NHS: variants seen among roughly 807,000 people sequenced by gnomAD.
The protein encoded by NHS is actin remodeling regulator NHS.
In NHS, 5 loss-of-function variants were observed where a neutral mutation model predicts 72.5. That is an observed-to-expected ratio of 0.07 (90% CI 0.04 to 0.14). The LOEUF (loss-of-function observed/expected upper bound fraction) is 0.14. Among genes scored for constraint, NHS ranks in the 10% least tolerant of loss-of-function variants. NHS has a pLI of 1.00. For missense variants in NHS, 1,072 were observed against 1,355.7 expected (o/e 0.79, Z 3.29); for synonymous variants, 464 against 547.7 (o/e 0.85, Z 2.13).
At chrX:17,480,730 A>G (rs1373014183) in intron 1 of NHS, among the ~76,000 whole-genome samples, 2 of 112,157 alleles carry the variant, frequency 1.8e-5, no homozygotes, top group Non-Finnish European at 3.8e-5. Context: ...GCATCTCTAG[A>G]TAGTGCTTCT....
At chrX:17,392,631 T>C (rs1173044656) in intron 1 of NHS, among the ~76,000 whole-genome samples, 1 of 112,338 alleles carries the variant, frequency 8.9e-6, no homozygotes, top group Non-Finnish European at 1.9e-5. Context: ...GAAATGTTGC[T>C]ACCAAAAGAA....
intron 1 of NHS, among the ~76,000 whole-genome samples, chrX:17,576,394 A>G (rs1439375841): frequency 9.0e-6 from 1 of 111,647 alleles, no homozygotes; most frequent in Admixed American, 9.5e-5. Context: ...AATTTTTCTC[A>G]GGAAGACTGA....
intron 1 of NHS, among the ~76,000 whole-genome samples, chrX:17,652,772 G>A (rs186619981): frequency 8.0e-5 from 9 of 112,039 alleles, no homozygotes; most frequent in African/African-American, 2.9e-4. Context: ...AAATGCTTTA[G>A]ATGATCAATT....
At chrX:17,647,067 A>G (rs1395493617) in intron 1 of NHS, among the ~76,000 whole-genome samples, 4 of 112,165 alleles carry the variant, frequency 3.6e-5, no homozygotes, top group Non-Finnish European at 7.5e-5. Flanking sequence ...GTGTGTTTGT[A>G]TAACTAGAGG....
chrX:17,672,154 C>T (rs1172691080), intron 1 of NHS, among the ~76,000 whole-genome samples: 2 of 112,056 alleles, frequency 1.8e-5, no homozygotes, highest in African/African-American at 6.5e-5. Context: ...TGTAACAAAC[C>T]CCAACATCTC....
chrX:17,440,365 G>A (rs1232659367), intron 1 of NHS, among the ~76,000 whole-genome samples: 5 of 110,450 alleles, frequency 4.5e-5, no homozygotes, highest in African/African-American at 6.6e-5. Flanking sequence ...AAGTTCCAGG[G>A]TGGGAGATAC....
At chrX:17,615,173 G>A (rs1283264006) in intron 1 of NHS, among the ~76,000 whole-genome samples, 5 of 37,892 alleles carry the variant, frequency 1.3e-4, no homozygotes, top group South Asian at 7.1e-3. Flanking sequence ...ATATATATAC[G>A]TATATATATA....
chrX:17,569,010 G>T (rs1205240369), intron 1 of NHS, among the ~76,000 whole-genome samples: 1 of 111,230 alleles, frequency 9.0e-6, no homozygotes, highest in African/African-American at 3.3e-5. Flanking sequence ...CTTTTTCATG[G>T]CTGCATATTA....
chrX:17,590,193 G>T (rs1278458292), intron 1 of NHS, among the ~76,000 whole-genome samples: 1 of 111,833 alleles, frequency 8.9e-6, no homozygotes, highest in African/African-American at 3.3e-5. Flanking sequence ...ATACATTTCT[G>T]GGGGACTGTG....
At chrX:17,450,692 A>G (rs941216683) in intron 1 of NHS, among the ~76,000 whole-genome samples, 2 of 112,250 alleles carry the variant, frequency 1.8e-5, no homozygotes, top group Non-Finnish European at 3.8e-5. Flanking sequence ...CCTGGCCAAC[A>G]TGGCAAAACC....
intron 1 of NHS, among the ~76,000 whole-genome samples, chrX:17,577,158 C>T (rs1027349245): frequency 2.7e-5 from 3 of 111,793 alleles, no homozygotes; most frequent in African/African-American, 9.8e-5. Flanking sequence ...ACACTACACT[C>T]CAAACTTCCA....
At chrX:17,725,245 AC>A in intron 6 of NHS, 101 bp from the exon 7 acceptor site, 2 of 766,295 alleles carry the variant, frequency 2.6e-6, no homozygotes, top group Non-Finnish European at 3.8e-6. Flanking sequence ...AAAAAAAAAA[AC>A]AGCTCTAACC....
At chrX:17,714,673 A>C (rs1476272872) in intron 3 of NHS, among the ~76,000 whole-genome samples, 2 of 112,378 alleles carry the variant, frequency 1.8e-5, no homozygotes, top group Non-Finnish European at 3.8e-5. Context: ...TGAGGCAGTA[A>C]AAATAGAGTT....
chrX:17,488,505 G>A (rs368890030), intron 1 of NHS, among the ~76,000 whole-genome samples: 37 of 111,626 alleles, frequency 3.3e-4, no homozygotes, highest in African/African-American at 1.0e-3. Context: ...CTGGAAACTA[G>A]AGCCAGCATT....
At chrX:17,592,799 C>A (rs1383903482) in intron 1 of NHS, among the ~76,000 whole-genome samples, 1 of 110,981 alleles carries the variant, frequency 9.0e-6, no homozygotes, top group East Asian at 2.8e-4. Context: ...GGAGGCAGAC[C>A]AATGGGGTTT....
At chrX:17,502,512 G>A (rs777582463) in intron 1 of NHS, among the ~76,000 whole-genome samples, 1 of 18,750 alleles carries the variant, frequency 5.3e-5, no homozygotes, top group Admixed American at 3.8e-4. Flanking sequence ...AGGGTTGGCC[G>A]GGCGCGGTGG....
chrX:17,688,130 GATA>G (rs1358126046), intron 2 of NHS, among the ~76,000 whole-genome samples: 3 of 111,973 alleles, frequency 2.7e-5, no homozygotes, highest in Non-Finnish European at 5.6e-5. Flanking sequence ...GGAAATTATT[GATA>G]ATAATATCTA....
intron 1 of NHS, among the ~76,000 whole-genome samples, chrX:17,414,994 TTGGC>T (rs1211210370): frequency 3.6e-4 from 40 of 110,613 alleles, no homozygotes; most frequent in African/African-American, 1.2e-3. Flanking sequence ...GGGGCGGGGG[TTGGC>T]TGGTATCTTG....
intron 1 of NHS, among the ~76,000 whole-genome samples, chrX:17,660,630 C>T (rs1222237739): frequency 1.8e-5 from 2 of 112,408 alleles, no homozygotes; most frequent in Non-Finnish European, 3.8e-5. Context: ...TCCCTCTCCA[C>T]ATAGTCTTTC....
Sources: gnomAD v4.1 joint callset for allele counts (sites outside exome capture counted in the v4.1 genomes callset) on GRCh38, gnomAD v4.1.1 for gene constraint, MANE v1.5 for transcripts, NCBI Gene and HGNC (gene_info 2026-07-23, HGNC 2026-07-21) for gene names.